Variants in LIN28B observed in about 807,000 individuals in gnomAD.
LIN28B encodes lin-28 RNA binding posttranscriptional regulator B.
In LIN28B, 5 loss-of-function variants were observed where a neutral mutation model predicts 21.9. The ratio of observed to expected loss-of-function variants is 0.23; its 90% CI spans 0.12 to 0.48. The LOEUF is 0.48. LIN28B is among the 20% of genes least tolerant of loss of function. The pLI is 0.98. For synonymous variants in LIN28B, 109 were observed against 111.3 expected (o/e 0.98, Z 0.13); for missense variants, 245 against 310.5 (o/e 0.79, Z 1.58).
At chr6:105,070,022 C>T (rs1772301402) in intron 3 of LIN28B, among the ~76,000 whole-genome samples, 1 of 152,162 alleles carries the variant, frequency 6.6e-6, no homozygotes, top group Admixed American at 6.6e-5. Context: ...CTTTCTGAGG[C>T]ATGAGTGAGT....
At chr6:105,008,487 A>G (rs903475627) in intron 2 of LIN28B, among the ~76,000 whole-genome samples, 3 of 152,090 alleles carry the variant, frequency 2.0e-5, no homozygotes, top group Non-Finnish European at 4.4e-5. Flanking sequence ...TATTAAAAAT[A>G]CAAAAAATTA....
At chr6:105,038,202 A>G (rs1771562818) in intron 3 of LIN28B, among the ~76,000 whole-genome samples, 1 of 152,238 alleles carries the variant, frequency 6.6e-6, no homozygotes, top group Non-Finnish European at 1.5e-5. Context: ...TTTAGACCTT[A>G]TACGTTATGT....
In LIN28B at chr6:105,010,982, T is replaced by C. The variant is rs1770911323; in HGVS notation, c.199-15316T>C. On this transcript the variant is annotated intron_variant, in intron 2 of 3. Coordinates refer to ENST00000345080, the MANE Select transcript of LIN28B (RefSeq NM_001004317.4). ...ACAGTATACTCATTTTTTATAAAGC[T>C]GTTTTTACTTGCTATTGTTGGGAGA... is the stretch of plus-strand genomic sequence containing the variant. Among the ~76,000 whole-genome samples, 3 of 152,242 alleles carry C rather than the reference T, an allele frequency of 2.0e-5. No homozygotes were observed. The South Asian group carries it at 6.2e-4, about 31-fold the overall frequency.
Position 105,078,710 on chromosome 6 carries a change from C to A in LIN28B, c.680C>A (p.Ser227Tyr), listed in dbSNP as rs766633432. ...GGCAGGTCACCTCAAGAAGCTTCCT[C>A]CACGAAGTCATCTATAGCACCAGAA... ...RSGRSPQEASSTKSSIAPEEQ... is the reference protein window; with the variant it reads ...RSGRSPQEASYTKSSIAPEEQ... Residue 227 changes from serine (S) to tyrosine (Y), a missense_variant, in exon 4 of 4, where the codon TCC becomes TAC. Transcript: ENST00000345080. 6.2e-7 allele frequency: 1 copy of A among 1,613,972 alleles called. No homozygotes were observed. Among genetic ancestry groups the A allele is most frequent in the African/African-American group, 1.3e-5 (1 of 74,880 alleles).
chr6:104,938,740 G>A (rs1230040193), intron 2 of LIN28B, among the ~76,000 whole-genome samples: 2 of 151,842 alleles, frequency 1.3e-5, no homozygotes, highest in East Asian at 3.9e-4. Context: ...TTCTAATCAT[G>A]CTAACATACT....
chr6:104,945,892 A>G (rs960740844), intron 2 of LIN28B, among the ~76,000 whole-genome samples: 10 of 151,934 alleles, frequency 6.6e-5, no homozygotes, highest in Non-Finnish European at 1.2e-4. Flanking sequence ...ATTTGTTTTT[A>G]TTTTCCAAAA....
At chr6:104,945,129 TA>T (rs1778141546) in intron 2 of LIN28B, among the ~76,000 whole-genome samples, 1 of 152,146 alleles carries the variant, frequency 6.6e-6, no homozygotes, top group African/African-American at 2.4e-5. Context: ...CTGTATAGGT[TA>T]AAAAATAGAC....
intron 2 of LIN28B, among the ~76,000 whole-genome samples, chr6:104,985,443 A>G (rs182252697): frequency 2.5e-3 from 387 of 152,260 alleles, no homozygotes; most frequent in African/African-American, 9.0e-3. Context: ...TTTTGCCTAT[A>G]CTTCAATTGA....
At chr6:105,013,185 AT>A (rs1224182765) in intron 2 of LIN28B, among the ~76,000 whole-genome samples, 1 of 151,568 alleles carries the variant, frequency 6.6e-6, no homozygotes, top group African/African-American at 2.4e-5. Flanking sequence ...CTAATTTTGT[AT>A]TTTTAGTAGA....
intron 2 of LIN28B, among the ~76,000 whole-genome samples, chr6:105,015,268 C>G (rs1771004120): frequency 6.6e-6 from 1 of 152,048 alleles, no homozygotes; most frequent in African/African-American, 2.4e-5. Context: ...TTAAAAATTC[C>G]ATTATGAAAT....
At chr6:104,989,928 C>T (rs9500007) in intron 2 of LIN28B, among the ~76,000 whole-genome samples, 3,408 of 152,172 alleles carry the variant, frequency 0.022, 150 homozygotes, top group African/African-American at 0.079. Flanking sequence ...TGATTTTAAA[C>T]GCTTCTTTTC....
intron 3 of LIN28B, among the ~76,000 whole-genome samples, chr6:105,031,758 A>G (rs1771430193): frequency 6.6e-6 from 1 of 152,198 alleles, no homozygotes; most frequent in Admixed American, 6.5e-5. Flanking sequence ...GATGGTCTCA[A>G]TCTCCTGACC....
chr6:104,941,069 G>T (rs987780028), intron 2 of LIN28B: 5 of 152,200 alleles, frequency 3.3e-5, no homozygotes, highest in Admixed American at 6.5e-5. Flanking sequence ...GTGCGTGCGG[G>T]TGCGGACGCC....
chr6:104,988,039 C>A (rs969017882), intron 2 of LIN28B, among the ~76,000 whole-genome samples: 1 of 152,150 alleles, frequency 6.6e-6, no homozygotes, highest in African/African-American at 2.4e-5. Flanking sequence ...CCACTGTTCC[C>A]GGCCATCAAT....
At chr6:105,000,693 T>C (rs1432440763) in intron 2 of LIN28B, among the ~76,000 whole-genome samples, 1 of 151,738 alleles carries the variant, frequency 6.6e-6, no homozygotes, top group African/African-American at 2.4e-5. Flanking sequence ...ATTAAAAAAA[T>C]AGAAAATCCT....
intron 3 of LIN28B, among the ~76,000 whole-genome samples, chr6:105,064,097 A>G (rs1044308769): frequency 6.6e-6 from 1 of 152,118 alleles, no homozygotes; most frequent in Non-Finnish European, 1.5e-5. Context: ...AAGTGCTTAT[A>G]AATGTTTCTT....
chr6:105,003,435 A>G (rs1455995557), intron 2 of LIN28B, among the ~76,000 whole-genome samples: 2 of 152,220 alleles, frequency 1.3e-5, no homozygotes, highest in East Asian at 3.9e-4. Flanking sequence ...ACTGAAGAAT[A>G]AATGGATGAA....
In LIN28B at chr6:105,022,354, G is replaced by A. The variant is rs148172492; in HGVS notation, c.199-3944G>A. On this transcript the variant is annotated intron_variant, in intron 2 of 3. Coordinates refer to ENST00000345080, the MANE Select transcript of LIN28B (RefSeq NM_001004317.4). ...AAGTTTATTTGATCATAGTTTTACC[G>A]TGACACAGGAGCCTCCAGAATGATG... is the stretch of plus-strand genomic sequence containing the variant. Among the ~76,000 whole-genome samples the A allele has an allele frequency of 8.5e-5, 13 of 152,262 alleles. No homozygotes were observed. In the East Asian group the frequency reaches 1.2e-3, roughly 14 times the overall value.
intron 3 of LIN28B, among the ~76,000 whole-genome samples, chr6:105,035,795 G>C (rs1205688971): frequency 6.6e-6 from 1 of 152,064 alleles, no homozygotes; most frequent in African/African-American, 2.4e-5. Flanking sequence ...TTTTAGTCTT[G>C]TATGCATTTG....
Sources: gnomAD v4.1 joint callset for allele counts (sites outside exome capture counted in the v4.1 genomes callset) on GRCh38, gnomAD v4.1.1 for gene constraint, MANE v1.5 for transcripts, NCBI Gene and HGNC (gene_info 2026-07-23, HGNC 2026-07-21) for gene names.